CDH12: variants seen among roughly 807,000 people sequenced by gnomAD.
CDH12 encodes the protein cadherin 12.
A neutral mutation model predicts 74.1 loss-of-function variants in CDH12; 41 were observed. The observed-to-expected ratio is 0.55, with a 90% CI of 0.43 to 0.72. CDH12 has a LOEUF of 0.72. Among genes scored for constraint, CDH12 ranks in the 30% least tolerant of loss-of-function variants. CDH12 has a pLI of 0.00. For missense variants in CDH12, 945 were observed against 977.2 expected (o/e 0.97, Z 0.44); for synonymous variants, 399 against 355.0 (o/e 1.12, Z -1.39).
intron 3 of CDH12, among the ~76,000 whole-genome samples, chr5:22,278,849 TA>T (rs1736754979): frequency 6.6e-6 from 1 of 152,028 alleles, no homozygotes; most frequent in Non-Finnish European, 1.5e-5. Flanking sequence ...GAGACCAAAA[TA>T]AATGAAAATA....
chr5:22,441,039 G>C (rs2126541241), intron 2 of CDH12, among the ~76,000 whole-genome samples: 1 of 152,244 alleles, frequency 6.6e-6, no homozygotes, highest in Middle Eastern at 3.4e-3. Context: ...CACACTTCTG[G>C]TCATTTGCTT....
At chr5:22,244,705 A>C (rs953618012) in intron 3 of CDH12, among the ~76,000 whole-genome samples, 5 of 147,496 alleles carry the variant, frequency 3.4e-5, no homozygotes, top group African/African-American at 1.2e-4. Flanking sequence ...AAGAAAAAGA[A>C]AGAGAAAGAG....
intron 4 of CDH12, among the ~76,000 whole-genome samples, chr5:22,147,551 T>G (rs1747273674): frequency 6.6e-6 from 1 of 151,688 alleles, no homozygotes. Flanking sequence ...ATTTTCATGC[T>G]GCTGATTAAG....
chr5:22,321,426 T>C (rs1031041201), intron 3 of CDH12, among the ~76,000 whole-genome samples: 2 of 136,546 alleles, frequency 1.5e-5, no homozygotes, highest in Admixed American at 7.8e-5. Context: ...TTCTCACTCA[T>C]AGGTGGGAAT....
intron 1 of CDH12, among the ~76,000 whole-genome samples, chr5:22,613,837 AAAAT>A (rs1418649769): frequency 1.3e-5 from 2 of 152,094 alleles, no homozygotes; most frequent in Admixed American, 1.3e-4. Context: ...CACGTTTATG[AAAAT>A]AAATAGATTC....
intron 13 of CDH12, among the ~76,000 whole-genome samples, chr5:21,757,329 C>T (rs912609432): frequency 2.6e-5 from 4 of 152,054 alleles, no homozygotes; most frequent in Non-Finnish European, 5.9e-5. Flanking sequence ...GTGCCTGCCA[C>T]CACGCCCAGC....
chr5:22,272,034 G>A (rs189105840), intron 3 of CDH12, among the ~76,000 whole-genome samples: 2 of 152,290 alleles, frequency 1.3e-5, no homozygotes, highest in Admixed American at 6.5e-5. Flanking sequence ...TTGAAGCCAA[G>A]CATTGACTTC....
intron 6 of CDH12, among the ~76,000 whole-genome samples, chr5:21,973,805 C>A (rs1213937645): frequency 1.3e-5 from 2 of 152,034 alleles, no homozygotes; most frequent in Non-Finnish European, 2.9e-5. Context: ...ATGTAGCCTC[C>A]CTCATTTTCT....
chr5:22,322,594 C>T (rs17264751), intron 3 of CDH12, among the ~76,000 whole-genome samples: 1 of 152,046 alleles, frequency 6.6e-6, no homozygotes, highest in Admixed American at 6.6e-5. Flanking sequence ...TACACATACA[C>T]GGAGGTTGAA....
At chr5:21,984,822 C>T (rs987199134) in intron 5 of CDH12, among the ~76,000 whole-genome samples, 1 of 152,158 alleles carries the variant, frequency 6.6e-6, no homozygotes, top group African/African-American at 2.4e-5. Flanking sequence ...CCATTCTCAA[C>T]ATTTTGTTGT....
intron 3 of CDH12, among the ~76,000 whole-genome samples, chr5:22,404,106 T>C (rs527413248): frequency 6.6e-6 from 1 of 152,092 alleles, no homozygotes; most frequent in Non-Finnish European, 1.5e-5. Context: ...CATATTTGTA[T>C]GTAATATGCA....
At chr5:22,688,529 C>T (rs918336323) in intron 1 of CDH12, among the ~76,000 whole-genome samples, 5 of 152,154 alleles carry the variant, frequency 3.3e-5, no homozygotes, top group Admixed American at 2.0e-4. Flanking sequence ...GATCCCGCAG[C>T]GATGGAACAT....
In CDH12 at chr5:21,752,141, C is replaced by G; in HGVS notation, c.1981G>C (p.Asp661His). 1 of 1,614,064 alleles carries G rather than the reference C, an allele frequency of 6.2e-7. No homozygotes were observed. The highest frequency in any genetic ancestry group is 1.7e-4 in the Middle Eastern group (1 of 6,060). ...EDIRDNVIHY[D>H]DEGGGEEDTQ... ...TCTTCCTCCCCACCTCCTTCATCAT[C>G]GTAATGGATGACGTTGTCTCTGATG... The change falls in exon 15 of 15, where the codon GAT becomes CAT. Residue 661 changes from aspartate (D) to histidine (H), a missense_variant. Transcript: ENST00000382254.
chr5:22,831,390 T>A (rs1736604271), intron 1 of CDH12, among the ~76,000 whole-genome samples: 1 of 151,252 alleles, frequency 6.6e-6, no homozygotes, highest in African/African-American at 2.4e-5. Context: ...TGTGTGTGTG[T>A]GTGTGTATTT....
chr5:22,383,739 A>G (rs1432297404), intron 3 of CDH12, among the ~76,000 whole-genome samples: 1 of 152,158 alleles, frequency 6.6e-6, no homozygotes, highest in African/African-American at 2.4e-5. Flanking sequence ...AAATTCCACT[A>G]GTTACTTTGG....
intron 1 of CDH12, among the ~76,000 whole-genome samples, chr5:22,566,931 G>T (rs1234875616): frequency 6.6e-6 from 1 of 152,082 alleles, no homozygotes; most frequent in African/African-American, 2.4e-5. Context: ...AGTAAGAAAG[G>T]CTTCTGAAAA....
intron 3 of CDH12, among the ~76,000 whole-genome samples, chr5:22,386,915 T>C (rs1742023510): frequency 6.6e-6 from 1 of 151,928 alleles, no homozygotes; most frequent in South Asian, 2.1e-4. Context: ...ATTTGAGAAA[T>C]GTGATTTACT....
chr5:22,743,819 T>A (rs1327444173), intron 1 of CDH12, among the ~76,000 whole-genome samples: 8 of 152,124 alleles, frequency 5.3e-5, no homozygotes, highest in African/African-American at 1.4e-4. Flanking sequence ...ATGGCTGACA[T>A]TATTTAGCAT....
At chr5:22,058,973 A>T (rs1281197921) in intron 5 of CDH12, among the ~76,000 whole-genome samples, 2 of 152,158 alleles carry the variant, frequency 1.3e-5, no homozygotes, top group Non-Finnish European at 2.9e-5. Flanking sequence ...ATGTTAAATT[A>T]TTCCTAGTTC....
Sources: gnomAD v4.1 joint callset for allele counts (sites outside exome capture counted in the v4.1 genomes callset) on GRCh38, gnomAD v4.1.1 for gene constraint, MANE v1.5 for transcripts, NCBI Gene and HGNC (gene_info 2026-07-23, HGNC 2026-07-21) for gene names.